The following ANKRD28 variants were observed in gnomAD, a reference collection of about 807,000 sequenced individuals.
The protein encoded by ANKRD28 is serine/threonine-protein phosphatase 6 regulatory ankyrin repeat subunit A.
ANKRD28 carries 44 observed loss-of-function variants against 126.5 expected under a neutral mutation model. That is an observed-to-expected ratio of 0.35 (90% confidence interval 0.27 to 0.45). The LOEUF (loss-of-function observed/expected upper bound fraction) is 0.45. Ranked by LOEUF, ANKRD28 falls within the 20% of genes least tolerant of loss-of-function variation. The pLI is 1.00. For synonymous variants in ANKRD28, 442 were observed against 468.5 expected (o/e 0.94, Z 0.73); for missense variants, 1,110 against 1,316.6 (o/e 0.84, Z 2.43).
chr3:15,810,754 G>A (rs937183483), intron 1 of ANKRD28, among the ~76,000 whole-genome samples: 2 of 141,494 alleles, frequency 1.4e-5, no homozygotes, highest in African/African-American at 5.3e-5. Flanking sequence ...ATCCTTATTT[G>A]CTAAACAAAA....
intron 2 of ANKRD28, among the ~76,000 whole-genome samples, chr3:15,771,145 C>T (rs974475077): frequency 1.3e-5 from 2 of 151,746 alleles, no homozygotes; most frequent in African/African-American, 4.8e-5. Flanking sequence ...CGCAGTGGCT[C>T]GTGCCTGTAA....
chr3:15,799,525 T>C (rs920651580), upstream of ANKRD28, among the ~76,000 whole-genome samples: 4 of 152,104 alleles, frequency 2.6e-5, no homozygotes, highest in Non-Finnish European at 5.9e-5. Flanking sequence ...TATGTAAATA[T>C]TGAACATACA....
chr3:15,795,320 G>C lies in ANKRD28; in HGVS notation c.118-14C>G, dbSNP rs368835654. On this transcript the variant is annotated splice_polypyrimidine_tract_variant and intron_variant, in intron 1 of 27. Transcript: ENST00000683139. The stretch of plus-strand genomic sequence containing the variant: ...CACCAGTGATGGCTAAAATAGAAGA[G>C]AGTAATAAAAACATTAGAATCATCC... The C allele has an allele frequency of 3.1e-5, 49 of 1,573,396 alleles. No individual in the cohort carries two copies. The African/African-American group carries it at 4.7e-4, about 15-fold the overall frequency.
At chr3:15,741,736 T>TTTTTTTTTTTTTTTTTTTA (rs1257965938) in intron 4 of ANKRD28, among the ~76,000 whole-genome samples, 1 of 98,134 alleles carries the variant, frequency 1.0e-5, no homozygotes, top group African/African-American at 3.7e-5. Flanking sequence ...TTTTTTTTTT[T>TTTTTTTTTTTTTTTTTTTA]TAGCAATTCT....
chr3:15,829,869 A>C (rs549808620), intron 1 of ANKRD28, among the ~76,000 whole-genome samples: 1 of 152,196 alleles, frequency 6.6e-6, no homozygotes, highest in Non-Finnish European at 1.5e-5. Context: ...TTTCAATAAA[A>C]GGTTTGCCAA....
chr3:15,690,281 T>A, intron 17 of ANKRD28, 61 bp from the exon 18 acceptor site: 1 of 1,335,632 alleles, frequency 7.5e-7, no homozygotes, highest in East Asian at 2.5e-5. Flanking sequence ...TCCTAAATAC[T>A]TGAATAAATG....
chr3:15,743,229 C>T (rs2057223940), intron 4 of ANKRD28, among the ~76,000 whole-genome samples: 2 of 152,112 alleles, frequency 1.3e-5, no homozygotes, highest in Admixed American at 1.3e-4. Context: ...CCCAGGGACA[C>T]AAACACTCTG....
chr3:15,857,684 T>C (rs1357670570), intron 1 of ANKRD28, among the ~76,000 whole-genome samples: 1 of 152,216 alleles, frequency 6.6e-6, no homozygotes, highest in Non-Finnish European at 1.5e-5. Flanking sequence ...AATTCCAAAA[T>C]AAAATCCAGT....
chr3:15,761,004 A>T (rs1431722349), intron 3 of ANKRD28, among the ~76,000 whole-genome samples: 1 of 152,192 alleles, frequency 6.6e-6, no homozygotes, highest in African/African-American at 2.4e-5. Context: ...AACCTGAAAT[A>T]TGAACACAGA....
At position 15,797,933 on chromosome 3, in the gene ANKRD28, G is replaced by A. The variant is rs1308473331; in HGVS notation, c.-1412C>T. ...GAAGAGCAAAGACTGCAGACCCACA[G>A]GATGAAATGCCTAGTAATGCTCACA... On this transcript the variant is annotated 5_prime_UTR_variant, in exon 1 of 28. Coordinates refer to ENST00000683139, the MANE Select transcript of ANKRD28 (RefSeq NM_001349278.2). 1.0e-6 allele frequency: 1 copy of A among 985,182 alleles called. No homozygotes were observed. The highest frequency in any genetic ancestry group is 1.2e-6 in the Non-Finnish European group (1 of 829,920). The allele number at this position is 985,182 out of a possible 1,614,324, so 61.0% of individuals were successfully genotyped here.
chr3:15,781,250 C>T (rs2059527708), intron 2 of ANKRD28, among the ~76,000 whole-genome samples: 1 of 152,066 alleles, frequency 6.6e-6, no homozygotes, highest in African/African-American at 2.4e-5. Context: ...GTCCATCTGA[C>T]TGAATTAAAG....
intron 4 of ANKRD28, among the ~76,000 whole-genome samples, chr3:15,743,545 A>AACACACACACACACACACAC (rs4036221): frequency 7.1e-6 from 1 of 140,372 alleles, no homozygotes; most frequent in African/African-American, 2.7e-5. Context: ...GTGGCTTTTT[A>AACACACACACACACACACAC]ACACACACAC....
intron 1 of ANKRD28, among the ~76,000 whole-genome samples, chr3:15,859,106 G>A (rs148718211): frequency 3.3e-3 from 505 of 152,304 alleles, no homozygotes; most frequent in Non-Finnish European, 5.4e-3. Flanking sequence ...CAGCTCGCCC[G>A]ACGCGAGGGC....
intron 7 of ANKRD28, among the ~76,000 whole-genome samples, chr3:15,722,566 G>A (rs2073842804): frequency 1.3e-5 from 2 of 152,212 alleles, no homozygotes; most frequent in South Asian, 2.1e-4. Flanking sequence ...AAACCTGAAA[G>A]TGGTTTTGAA....
chr3:15,805,885 A>C (rs1434247127), intron 1 of ANKRD28, among the ~76,000 whole-genome samples: 2 of 152,220 alleles, frequency 1.3e-5, no homozygotes, highest in Admixed American at 6.5e-5. Flanking sequence ...TGAAGTGTAC[A>C]TTCGTTATTT....
At position 15,753,723 on chromosome 3, in the gene ANKRD28, G is replaced by T. The variant is rs2058001452; in HGVS notation, c.281-1903C>A. The stretch of plus-strand genomic sequence containing the variant: ...TTTGGGAGGCTGAGGTGGGCAGATT[G>T]CTTGAAGACAGGAGTTCAAGACCAG... On this transcript the variant is annotated intron_variant, in intron 3 of 27. Transcript: ENST00000683139. Among the ~76,000 whole-genome samples the T allele has an allele frequency of 2.0e-5, 3 of 152,020 alleles. No homozygotes were observed. The South Asian group carries it at 6.2e-4, about 32-fold the overall frequency.
Position 15,742,216 on chromosome 3 carries a change from A to T in ANKRD28, c.352-4983T>A, listed in dbSNP as rs755778728. On this transcript the variant is annotated intron_variant, in intron 4 of 27. Transcript: ENST00000683139. The stretch of plus-strand genomic sequence containing the variant: ...GCCGCCCATCGTCTGGGACGTGAGG[A>T]GCCCCTCTGCCTGGCTACCCAGTCT... 6.5e-3 allele frequency among the ~76,000 whole-genome samples: 968 copies of T among 148,608 alleles called. 5 individuals are homozygous for T. The highest frequency in any genetic ancestry group is 9.5e-3 in the Non-Finnish European group (637 of 67,204).
At chr3:15,677,586 T>A (rs1197989360) in intron 24 of ANKRD28, 24 bp from the exon 25 acceptor site, 12 of 1,544,244 alleles carry the variant, frequency 7.8e-6, no homozygotes, top group Non-Finnish European at 9.8e-6. Flanking sequence ...GTGCATCAAT[T>A]CTTATGTTTA....
intron 18 of ANKRD28, among the ~76,000 whole-genome samples, chr3:15,686,974 C>T (rs1216901980): frequency 6.0e-5 from 9 of 149,476 alleles, no homozygotes; most frequent in African/African-American, 2.0e-4. Context: ...GACAGAATCT[C>T]GCTCTGTCGC....
Sources: allele counts gnomAD v4.1 joint callset (sites outside exome capture counted in the v4.1 genomes callset), GRCh38; gene constraint gnomAD v4.1.1; transcripts MANE v1.5; gene names NCBI Gene and HGNC (gene_info 2026-07-23, HGNC 2026-07-21).